The following CHD1L variants were observed in gnomAD, a reference collection of about 807,000 sequenced individuals.
The protein encoded by CHD1L is ATP-dependent chromatin remodeler CHD1L.
Under a neutral mutation model 115.9 loss-of-function variants are expected in CHD1L, and 118 were observed. That is an observed-to-expected ratio of 1.02 (90% confidence interval 0.88 to 1.19). The LOEUF is 1.19. CHD1L is among the 50% of genes most tolerant of loss of function. CHD1L has a pLI of 0.00. For synonymous variants in CHD1L, 411 were observed against 387.1 expected, an observed-to-expected ratio of 1.06 and a Z score of -0.72; for missense variants, 1,179 against 1,065.3, an observed-to-expected ratio of 1.11 and a Z score of -1.49.
chr1:147,221,752 C>T, the CHD1L span, among the ~76,000 whole-genome samples: 1 of 152,172 alleles, frequency 6.6e-6, no homozygotes, highest in Non-Finnish European at 1.5e-5. Flanking sequence ...ACAGATCTCA[C>T]CTCTTTGAGG....
At chr1:147,229,317 G>A in the CHD1L span, among the ~76,000 whole-genome samples, 1 of 152,108 alleles carries the variant, frequency 6.6e-6, no homozygotes, top group Non-Finnish European at 1.5e-5. Flanking sequence ...TCAGATGGTT[G>A]TAGATATGCG....
At chr1:147,247,585 A>G (rs1667013759) in intron 1 of CHD1L, among the ~76,000 whole-genome samples, 1 of 152,198 alleles carries the variant, frequency 6.6e-6, no homozygotes. Flanking sequence ...CAATCTGTAG[A>G]ACCATGAGCC....
At chr1:147,187,263 GA>G in the CHD1L span, 11 of 1,548,064 alleles carry the variant, frequency 7.1e-6, 1 homozygote, top group South Asian at 1.4e-4. Flanking sequence ...AGAAAAGACA[GA>G]AACCATGGCC....
chr1:147,229,102 G>A, the CHD1L span, among the ~76,000 whole-genome samples: 1 of 152,108 alleles, frequency 6.6e-6, no homozygotes, highest in Non-Finnish European at 1.5e-5. Flanking sequence ...TGTCCTGAAT[G>A]GTATTGCCTA....
chr1:147,255,860 A>G lies in CHD1L; in HGVS notation c.395A>G (p.Glu132Gly), dbSNP rs146325614. The stretch of plus-strand genomic sequence containing the variant: ...GTAACATATGCAGGCGACAAGGAGG[A>G]AAGAGCCTGCCTTCAGCAAGACCTG... Reference protein sequence around the residue: ...SCVTYAGDKEERACLQQDLKQ... With the variant: ...SCVTYAGDKEGRACLQQDLKQ... The change falls in exon 4 of 23, where the codon GAA (glutamate) becomes GGA (glycine). Residue 132 changes from glutamate to glycine, a missense_variant. Glu to Gly is a moderately conservative substitution (Grantham distance 98, BLOSUM62 -2). Coordinates refer to ENST00000369258, the MANE Select transcript of CHD1L (RefSeq NM_004284.6). 6.8e-6 allele frequency: 11 copies of G among 1,613,716 alleles called. No homozygotes were observed. The African/African-American group carries it at 1.1e-4, about 16-fold the overall frequency.
intron 8 of CHD1L, 139 bp from the exon 9 acceptor site, chr1:147,267,285 CAG>C (rs1674300117): frequency 9.3e-6 from 5 of 539,892 alleles, no homozygotes; most frequent in Non-Finnish European, 9.7e-6. Flanking sequence ...CAATACAATT[CAG>C]TGAAATTTGG....
At chr1:147,280,300 T>TACCC (rs1180185633) in intron 15 of CHD1L, 109 bp downstream of exon 15, 1 of 1,119,120 alleles carries the variant, frequency 8.9e-7, no homozygotes, top group Non-Finnish European at 1.2e-6. Context: ...TTTTCTCCCT[T>TACCC]ACCCTATTGT....
At chr1:147,236,334 A>G in the CHD1L span, among the ~76,000 whole-genome samples, 1 of 152,182 alleles carries the variant, frequency 6.6e-6, no homozygotes, top group Non-Finnish European at 1.5e-5. Flanking sequence ...CTTGTTGCCC[A>G]CAATGTGGCA....
chr1:147,281,276 G>A (rs1553961795), intron 15 of CHD1L, among the ~76,000 whole-genome samples: 2 of 152,126 alleles, frequency 1.3e-5, no homozygotes, highest in Non-Finnish European at 2.9e-5. Context: ...TCTTTTGTGG[G>A]TAACTTTTAT....
At chr1:147,204,976 G>A in the CHD1L span, 18 of 1,163,014 alleles carry the variant, frequency 1.5e-5, no homozygotes, top group Non-Finnish European at 2.2e-5. Flanking sequence ...TCAGAAGACC[G>A]CGGAGGAACC....
intron 12 of CHD1L, 27 bp from the exon 13 acceptor site, chr1:147,275,327 T>C: frequency 1.9e-6 from 3 of 1,541,688 alleles, no homozygotes; most frequent in Non-Finnish European, 2.7e-6. Context: ...GTGCTGCTGA[T>C]TACATTCCTT....
chr1:147,200,844 C>T, the CHD1L span, among the ~76,000 whole-genome samples: 1 of 152,080 alleles, frequency 6.6e-6, no homozygotes, highest in African/African-American at 2.4e-5. Flanking sequence ...TTGGAGTACA[C>T]ATTGGAATTA....
At chr1:147,294,365 C>T (rs1553974241) in intron 21 of CHD1L, 44 bp from the exon 22 acceptor site, 2 of 1,407,698 alleles carry the variant, frequency 1.4e-6, no homozygotes, top group South Asian at 2.6e-5. Flanking sequence ...ACCCATCAAT[C>T]AATTTTTGAT....
At chr1:147,293,545 G>A (rs943396696) in intron 20 of CHD1L, 63 bp from the exon 21 acceptor site, 54 of 1,384,860 alleles carry the variant, frequency 3.9e-5, no homozygotes, top group Middle Eastern at 1.8e-4. Flanking sequence ...CTCCATGGGC[G>A]GTCACTTGGT....
At chr1:147,208,818 C>G in the CHD1L span, 2 of 1,570,166 alleles carry the variant, frequency 1.3e-6, no homozygotes, top group Non-Finnish European at 1.8e-6. Flanking sequence ...TGTGCTTTGG[C>G]CACTATCCCT....
At chr1:147,279,917 A>T (rs1232651340) in intron 14 of CHD1L, 109 bp from the exon 15 acceptor site, 1 of 1,119,576 alleles carries the variant, frequency 8.9e-7, no homozygotes, top group East Asian at 2.5e-5. Context: ...CTGCCTGTTC[A>T]TTAGAGAAGG....
intron 22 of CHD1L, among the ~76,000 whole-genome samples, chr1:147,295,079 C>T (rs587751700): frequency 6.6e-6 from 1 of 152,136 alleles, no homozygotes. Context: ...CCCAAAATTA[C>T]TAGAGAAAGC....
At chr1:147,227,323 A>G in the CHD1L span, among the ~76,000 whole-genome samples, 3 of 152,228 alleles carry the variant, frequency 2.0e-5, no homozygotes, top group Non-Finnish European at 2.9e-5. Flanking sequence ...AGAAATGCCT[A>G]AAGGAAAACA....
At chr1:147,188,218 G>A in the CHD1L span, among the ~76,000 whole-genome samples, 5 of 152,054 alleles carry the variant, frequency 3.3e-5, no homozygotes, top group African/African-American at 1.2e-4. Flanking sequence ...ATAATAGTAG[G>A]TCAAGATCTA....
Sources: allele counts gnomAD v4.1 joint callset (sites outside exome capture counted in the v4.1 genomes callset), GRCh38; gene constraint gnomAD v4.1.1; transcripts MANE v1.5; gene names NCBI Gene and HGNC (gene_info 2026-07-23, HGNC 2026-07-21).